The following FAM72D variants were observed in gnomAD, a reference collection of about 807,000 sequenced individuals.
FAM72D encodes protein FAM72D.
For missense variants in FAM72D, 9 were observed against 104.7 expected, an observed-to-expected ratio of 0.09 and a Z score of 3.99; for synonymous variants, 4 against 35.1, an observed-to-expected ratio of 0.11 and a Z score of 3.13.
chr1:145,107,262 T>G (rs1654966321), intron 3 of FAM72D, among the ~76,000 whole-genome samples: 2 of 146,224 alleles, frequency 1.4e-5, no homozygotes, highest in Admixed American at 1.3e-4. Flanking sequence ...TTTTTTTTTT[T>G]GAGACAGAGT....
At chr1:145,107,506 T>C (rs1654981521) in intron 3 of FAM72D, among the ~76,000 whole-genome samples, 1 of 126,078 alleles carries the variant, frequency 7.9e-6, no homozygotes, top group Non-Finnish European at 1.7e-5. Flanking sequence ...CCCAAAGTGC[T>C]GGGATTACAT....
chr1:145,100,776 G>T (rs1366460730), intron 2 of FAM72D, among the ~76,000 whole-genome samples: 3 of 150,584 alleles, frequency 2.0e-5, no homozygotes, highest in African/African-American at 7.4e-5. Flanking sequence ...ACAGGCGTGA[G>T]CCACCGCACC....
chr1:145,105,958 A>G (rs1325590208), intron 3 of FAM72D, among the ~76,000 whole-genome samples: 1 of 150,210 alleles, frequency 6.7e-6, no homozygotes, highest in African/African-American at 2.5e-5. Flanking sequence ...ATCTCAAAAA[A>G]AAAAAAAAGA....
In FAM72D at chr1:145,100,938, G is replaced by A. The variant is rs587623655; in HGVS notation, c.230+1873G>A. Among the ~76,000 whole-genome samples, 56 of 143,694 alleles carry A rather than the reference G, an allele frequency of 3.9e-4. 4 individuals carry two copies. Among genetic ancestry groups the A allele is most frequent in the African/African-American group, 1.2e-3 (46 of 37,788 alleles). The allele number at this position is 143,694 out of a possible 152,430, so 94.3% of individuals were successfully genotyped here. On this transcript the variant is annotated intron_variant, in intron 2 of 3. Transcript: ENST00000400889. ...GTGTGAGCCACCGCACCTGGGCAAC[G>A]ACATTTTTTTTGTTTTGTTTTGAGA...
chr1:145,102,693 G>A lies in FAM72D; in HGVS notation c.231-314G>A, dbSNP rs1386392481. Among the ~76,000 whole-genome samples the A allele has an allele frequency of 1.2e-4, 12 of 101,592 alleles. No individual in the cohort carries two copies. The East Asian group carries it at 3.1e-3, about 26-fold the overall frequency. 66.6% of individuals were successfully genotyped at this position (101,592 alleles called of 152,430 possible). A position where few individuals can be genotyped will look rare whatever the true frequency, so the allele number is the denominator to read the frequency against. On this transcript the variant is annotated intron_variant, in intron 2 of 3. Coordinates refer to ENST00000400889, the MANE Select transcript of FAM72D (RefSeq NM_207418.3). ...GAGGCAGGAGAATCACTTGAACCTGGGAGGCGGAGGTTGCAGGCACTCCAG... is the reference window on the plus strand; with the variant it reads ...GAGGCAGGAGAATCACTTGAACCTGAGAGGCGGAGGTTGCAGGCACTCCAG...
At chr1:145,105,620 G>A (rs1402532113) in intron 3 of FAM72D, among the ~76,000 whole-genome samples, 6 of 148,822 alleles carry the variant, frequency 4.0e-5, no homozygotes, top group East Asian at 2.0e-4. Context: ...AGCCGAGATC[G>A]CACCATTGCA....
At chr1:145,105,676 G>A (rs1654885954) in intron 3 of FAM72D, among the ~76,000 whole-genome samples, 1 of 150,866 alleles carries the variant, frequency 6.6e-6, no homozygotes, top group African/African-American at 2.5e-5. Context: ...TAAGAGGCCG[G>A]GCGCGGTGGC....
intron 3 of FAM72D, among the ~76,000 whole-genome samples, chr1:145,107,588 C>G (rs1654990603): frequency 9.8e-6 from 1 of 102,020 alleles, no homozygotes. Context: ...GAGATGGAGT[C>G]ATTCTGTCAC....
chr1:145,102,872 AT>A, intron 2 of FAM72D, 134 bp from the exon 3 acceptor site: 1 of 196,814 alleles, frequency 5.1e-6, no homozygotes, highest in South Asian at 8.9e-5. Flanking sequence ...CCCCCATCCC[AT>A]CCCAAAGATC....
chr1:145,104,081 G>A (rs1286577331), intron 3 of FAM72D, among the ~76,000 whole-genome samples: 1 of 146,172 alleles, frequency 6.8e-6, no homozygotes, highest in Non-Finnish European at 1.5e-5. Context: ...AATTTGGGAG[G>A]TAGAGGCTGC....
At chr1:145,102,743 G>T (rs1654767824) in intron 2 of FAM72D, among the ~76,000 whole-genome samples, 1 of 105,064 alleles carries the variant, frequency 9.5e-6, no homozygotes, top group Non-Finnish European at 2.1e-5. Flanking sequence ...GCAAAACTCG[G>T]TCTCAATAAT....
At chr1:145,107,309 C>T (rs1654969416) in intron 3 of FAM72D, among the ~76,000 whole-genome samples, 1 of 121,436 alleles carries the variant, frequency 8.2e-6, no homozygotes, top group Non-Finnish European at 1.7e-5. Flanking sequence ...GCAATGGTGT[C>T]ATCTTGGCTC....
At chr1:145,107,175 C>T (rs1174974312) in intron 3 of FAM72D, among the ~76,000 whole-genome samples, 18 of 146,992 alleles carry the variant, frequency 1.2e-4, no homozygotes, top group Middle Eastern at 3.5e-3. Flanking sequence ...AGAAAGTACA[C>T]TACCAATTCT....
intron 1 of FAM72D, among the ~76,000 whole-genome samples, chr1:145,098,524 T>G (rs1286673642): frequency 8.2e-6 from 1 of 121,990 alleles, no homozygotes; most frequent in Middle Eastern, 4.9e-3. Context: ...ATGAACTGAC[T>G]CTTTAAAAAT....
At chr1:145,107,413 A>G (rs1273813869) in intron 3 of FAM72D, among the ~76,000 whole-genome samples, 5 of 123,860 alleles carry the variant, frequency 4.0e-5, no homozygotes, top group African/African-American at 1.2e-4. Flanking sequence ...ATTTTTTTGT[A>G]TTTTTAGTAG....
In FAM72D at chr1:145,105,586, A is replaced by G. The variant is rs1230995350; in HGVS notation, c.355+2455A>G. On this transcript the variant is annotated intron_variant, in intron 3 of 3. Coordinates refer to ENST00000400889, the MANE Select transcript of FAM72D (RefSeq NM_207418.3). ...GGACTGAGGCAGAAGAATCACTTGA[A>G]CCCAGGAGGTGGAGTTTGAAGTGAG... Among the ~76,000 whole-genome samples, 7 of 146,848 alleles carry G rather than the reference A, an allele frequency of 4.8e-5. 1 individual carries two copies. Among genetic ancestry groups the G allele is most frequent in the Non-Finnish European group, 1.0e-4 (7 of 66,804 alleles).
chr1:145,102,747 C>CAATAAT (rs199492496), intron 2 of FAM72D, among the ~76,000 whole-genome samples: 3,089 of 113,970 alleles, frequency 0.027, 62 homozygotes, highest in Middle Eastern at 0.05. Context: ...AACTCGGTCT[C>CAATAAT]AATAATAATA....
chr1:145,107,528 C>T (rs1358569361), intron 3 of FAM72D, among the ~76,000 whole-genome samples: 9 of 122,108 alleles, frequency 7.4e-5, no homozygotes, highest in Non-Finnish European at 1.5e-4. Context: ...GGATTACAGA[C>T]GTGAGTCACC....
At chr1:145,094,986 CCAGGCTGTA>C, upstream of FAM72D, 4 of 1,541,484 alleles carry the variant, frequency 2.6e-6, no homozygotes, top group Non-Finnish European at 3.5e-6. Context: ...GGACAGAGTC[CCAGGCTGTA>C]CAGTGATGGG....
Sources: gnomAD v4.1 joint callset for allele counts (sites outside exome capture counted in the v4.1 genomes callset) on GRCh38, gnomAD v4.1.1 for gene constraint, MANE v1.5 for transcripts, NCBI Gene and HGNC (gene_info 2026-07-23, HGNC 2026-07-21) for gene names.